The following ADGRV1 variants were observed in gnomAD, a reference collection of about 807,000 sequenced individuals.
ADGRV1 encodes the protein adhesion G protein-coupled receptor V1, also known as G-protein coupled receptor 98.
ADGRV1 carries 359 observed loss-of-function variants against 596.2 expected under a neutral mutation model. That is an observed-to-expected ratio of 0.60 (90% CI 0.55 to 0.66). The LOEUF (loss-of-function observed/expected upper bound fraction) is 0.66, where lower values mean the gene tolerates loss of function less well. Among genes scored for constraint, ADGRV1 ranks in the 30% least tolerant of loss-of-function variants. The pLI is 0.00. For missense variants in ADGRV1, 7,274 were observed against 7,575.6 expected (o/e 0.96, Z 1.48); for synonymous variants, 2,681 against 2,679.2 (o/e 1.00, Z -0.02).
intron 43 of ADGRV1, 35 bp downstream of exon 43, chr5:90,716,764 A>G (rs754221805): frequency 8.6e-6 from 13 of 1,503,826 alleles, no homozygotes; most frequent in Non-Finnish European, 1.1e-5. Flanking sequence ...ATGGAAGTTT[A>G]TCTTTAATAT....
intron 86 of ADGRV1, among the ~76,000 whole-genome samples, chr5:91,080,600 A>AAAC (rs1789261394): frequency 6.6e-6 from 1 of 151,616 alleles, no homozygotes. Context: ...AAAAAAAAAA[A>AAAC]AAAAAAAAAA....
At chr5:90,869,658 ATTTCTGCACT>A (rs949361224) in intron 83 of ADGRV1, among the ~76,000 whole-genome samples, 2 of 152,176 alleles carry the variant, frequency 1.3e-5, no homozygotes, top group Non-Finnish European at 2.9e-5. Context: ...GCCTTATTAA[ATTTCTGCACT>A]TTTCTTGTCT....
At chr5:90,964,499 A>G (rs1024625203) in intron 83 of ADGRV1, among the ~76,000 whole-genome samples, 3 of 152,148 alleles carry the variant, frequency 2.0e-5, no homozygotes, top group Non-Finnish European at 1.5e-5. Context: ...CCTGCCATCT[A>G]CACTCATCAT....
intron 87 of ADGRV1, among the ~76,000 whole-genome samples, chr5:91,109,296 TGAAGGTGAAAA>T (rs1236832397): frequency 6.6e-6 from 1 of 152,304 alleles, no homozygotes; most frequent in East Asian, 1.9e-4. Context: ...ACATAGAGAA[TGAAGGTGAAAA>T]TGCCCTTTCA....
intron 89 of ADGRV1, among the ~76,000 whole-genome samples, chr5:91,159,486 C>A (rs925901954): frequency 1.3e-5 from 2 of 152,104 alleles, no homozygotes; most frequent in African/African-American, 4.8e-5. Flanking sequence ...CTAATTTTAA[C>A]CATATTACAT....
intron 83 of ADGRV1, among the ~76,000 whole-genome samples, chr5:90,908,664 A>G (rs2150678245): frequency 6.6e-6 from 1 of 152,326 alleles, no homozygotes; most frequent in South Asian, 2.1e-4. Flanking sequence ...GTAAGTATAT[A>G]CTAAATATTG....
intron 83 of ADGRV1, among the ~76,000 whole-genome samples, chr5:90,867,371 A>T (rs1768226827): frequency 6.6e-6 from 1 of 152,160 alleles, no homozygotes; most frequent in African/African-American, 2.4e-5. Context: ...CCGTACATTA[A>T]CCGCAAGACT....
chr5:90,644,010 A>G (rs1459679140), intron 14 of ADGRV1, 27 bp downstream of exon 14: 3 of 1,384,670 alleles, frequency 2.2e-6, no homozygotes, highest in Non-Finnish European at 1.9e-6. Flanking sequence ...CTTATATTGT[A>G]TTTCTGTTTA....
chr5:90,619,946 G>A (rs2152060391), intron 4 of ADGRV1, among the ~76,000 whole-genome samples: 1 of 152,006 alleles, frequency 6.6e-6, no homozygotes, highest in South Asian at 2.1e-4. Context: ...ATTTTTTATG[G>A]CTGCATAGTA....
intron 1 of ADGRV1, among the ~76,000 whole-genome samples, chr5:90,572,006 T>G (rs6890575): frequency 0.067 from 10,212 of 152,180 alleles, 1,031 homozygotes; most frequent in African/African-American, 0.23. Flanking sequence ...GCAGAGGATT[T>G]TAGGAGGTCC....
At chr5:90,863,392 GGCATCCA>G (rs1403011101) in intron 82 of ADGRV1, among the ~76,000 whole-genome samples, 1 of 152,012 alleles carries the variant, frequency 6.6e-6, no homozygotes. Context: ...TCCTGGTTTG[GGCATCCA>G]GTATTGCAAA....
chr5:90,956,207 TAA>T (rs1238235023), intron 83 of ADGRV1, among the ~76,000 whole-genome samples: 1 of 152,154 alleles, frequency 6.6e-6, no homozygotes, highest in African/African-American at 2.4e-5. Context: ...ATATTTCAAA[TAA>T]GTTTACTGTA....
chr5:90,805,517 A>G, intron 72 of ADGRV1, 59 bp downstream of exon 72: 2 of 1,372,634 alleles, frequency 1.5e-6, no homozygotes, highest in South Asian at 1.6e-5. Flanking sequence ...ATCACTGGCC[A>G]CTAATTGTCT....
chr5:90,603,405 C>A (rs774469002), intron 1 of ADGRV1, among the ~76,000 whole-genome samples: 1 of 152,130 alleles, frequency 6.6e-6, no homozygotes, highest in African/African-American at 2.4e-5. Flanking sequence ...ATGGGTGGTG[C>A]TCATATAAGA....
At chr5:91,133,708 T>TTCATGTGCTGGTTCTTATA (rs1794399919) in intron 87 of ADGRV1, among the ~76,000 whole-genome samples, 1 of 152,230 alleles carries the variant, frequency 6.6e-6, no homozygotes, top group Non-Finnish European at 1.5e-5. Flanking sequence ...CCTTTCCTCT[T>TTCATGTGCTGGTTCTTATA]TCATGTGCTG....
chr5:90,787,396 G>C (rs1187829781), intron 67 of ADGRV1, among the ~76,000 whole-genome samples: 1 of 152,022 alleles, frequency 6.6e-6, no homozygotes, highest in Non-Finnish European at 1.5e-5. Context: ...TATTTATATA[G>C]GTTTTGATTG....
chr5:90,640,995 C>T (rs1237084077), intron 11 of ADGRV1: 1 of 152,582 alleles, frequency 6.6e-6, no homozygotes, highest in Non-Finnish European at 1.5e-5. Flanking sequence ...TCCACCTGGC[C>T]ATGCATGCTT....
chr5:90,907,583 A>G (rs887094495), intron 83 of ADGRV1, among the ~76,000 whole-genome samples: 2 of 151,616 alleles, frequency 1.3e-5, no homozygotes, highest in South Asian at 4.2e-4. Context: ...TCCGCAATCC[A>G]AATTTTGCCC....
intron 75 of ADGRV1, among the ~76,000 whole-genome samples, chr5:90,817,277 A>G (rs1480213107): frequency 6.6e-6 from 1 of 150,632 alleles, no homozygotes; most frequent in Non-Finnish European, 1.5e-5. Flanking sequence ...TTTTTCTTGT[A>G]AATTTGTTTG....
Sources: allele counts gnomAD v4.1 joint callset (sites outside exome capture counted in the v4.1 genomes callset), GRCh38; gene constraint gnomAD v4.1.1; transcripts MANE v1.5; gene names NCBI Gene and HGNC (gene_info 2026-07-23, HGNC 2026-07-21).